The following COPA variants were observed in gnomAD, a reference collection of about 807,000 sequenced individuals.
COPA encodes coatomer subunit alpha.
A neutral mutation model predicts 158.7 loss-of-function variants in COPA; 10 were observed. The ratio of observed to expected loss-of-function variants is 0.06; its 90% CI spans 0.04 to 0.11. The LOEUF is 0.11. Ranked by LOEUF, COPA falls within the 10% of genes least tolerant of loss-of-function variation. The probability of loss-of-function intolerance (pLI) is 1.00; values close to 1 mark genes in which losing one functional copy is unlikely to be tolerated. For synonymous variants in COPA, 462 were observed against 542.8 expected, an observed-to-expected ratio of 0.85 and a Z score of 2.07; for missense variants, 1,065 against 1,536.7, an observed-to-expected ratio of 0.69 and a Z score of 5.13.
At position 160,343,165 on chromosome 1, in the gene COPA, T is replaced by C. The variant is rs945664160; in HGVS notation, c.6A>G (p.Leu2=). 11 of 1,614,034 alleles carry C rather than the reference T, an allele frequency of 6.8e-6. No homozygotes were observed. The highest frequency in any genetic ancestry group is 9.3e-6 in the Non-Finnish European group (11 of 1,180,040). Residue 2 remains leucine (L), a synonymous_variant, in exon 1 of 33, where the codon TTA becomes TTG. Coordinates refer to ENST00000241704, the MANE Select transcript of COPA (RefSeq NM_004371.4). ...GCGCGCTCTTGGTCTCGAATTTGGT[T>C]AACATCTCTCAGGTCTCCGACTCCG... The part of the protein sequence containing the change: M[L]TKFETKSARV...
intron 6 of COPA, among the ~76,000 whole-genome samples, chr1:160,331,600 T>C (rs1293951104): frequency 2.7e-5 from 4 of 150,466 alleles, no homozygotes; most frequent in Non-Finnish European, 5.9e-5. Context: ...CGAGCCGAGA[T>C]TGCGCCACTG....
intron 21 of COPA, 135 bp from the exon 22 acceptor site, chr1:160,296,284 G>A (rs886633994): frequency 1.8e-5 from 12 of 673,714 alleles, no homozygotes; most frequent in Non-Finnish European, 2.9e-5. Flanking sequence ...CACCTCTTAA[G>A]TGTGGGCTGG....
At chr1:160,304,148 G>A (rs906385331) in intron 17 of COPA, among the ~76,000 whole-genome samples, 5 of 151,616 alleles carry the variant, frequency 3.3e-5, no homozygotes, top group African/African-American at 1.2e-4. Context: ...CGGAGTAGCT[G>A]GGATTACAGG....
intron 15 of COPA, 43 bp from the exon 16 acceptor site, chr1:160,305,816 C>T: frequency 6.6e-7 from 1 of 1,522,730 alleles, no homozygotes; most frequent in South Asian, 1.1e-5. Context: ...GATCTATTTC[C>T]CTTGTCTCAG....
chr1:160,340,328 C>T (rs775391568), intron 1 of COPA, 34 bp from the exon 2 acceptor site: 8 of 1,382,918 alleles, frequency 5.8e-6, no homozygotes, highest in Non-Finnish European at 7.2e-6. Flanking sequence ...AATGAGCTAA[C>T]TAAGCCCCAT....
intron 11 of COPA, among the ~76,000 whole-genome samples, chr1:160,311,607 G>A (rs1231605101): frequency 6.6e-6 from 1 of 151,866 alleles, no homozygotes; most frequent in Non-Finnish European, 1.5e-5. Flanking sequence ...AATTAGCCAG[G>A]CGTGGTGGCG....
intron 3 of COPA, among the ~76,000 whole-genome samples, chr1:160,338,040 A>G (rs1647856035): frequency 6.6e-6 from 1 of 152,164 alleles, no homozygotes; most frequent in Non-Finnish European, 1.5e-5. Flanking sequence ...TTCTGTCTCT[A>G]TAGATTTACC....
chr1:160,343,044 C>T, intron 1 of COPA, 87 bp downstream of exon 1: 2 of 1,552,636 alleles, frequency 1.3e-6, no homozygotes, highest in Non-Finnish European at 1.8e-6. Context: ...CCCATTTCGA[C>T]CAACACCTCT....
At chr1:160,293,995 A>G (rs1483574553) in intron 25 of COPA, among the ~76,000 whole-genome samples, 1 of 152,228 alleles carries the variant, frequency 6.6e-6, no homozygotes, top group Non-Finnish European at 1.5e-5. Flanking sequence ...CTACCTTCTC[A>G]TAAGCTGCTG....
At chr1:160,310,312 G>A in intron 11 of COPA, 54 bp from the exon 12 acceptor site, 5 of 1,147,992 alleles carry the variant, frequency 4.4e-6, no homozygotes, top group Admixed American at 4.3e-5. Flanking sequence ...AAGAATAGAA[G>A]GAAGAAAGGA....
chr1:160,340,083 C>G, intron 2 of COPA, 98 bp downstream of exon 2: 1 of 1,499,514 alleles, frequency 6.7e-7, no homozygotes, highest in Non-Finnish European at 9.3e-7. Flanking sequence ...TTTCCACATT[C>G]TTTAATCATA....
At chr1:160,327,274 C>T (rs1008832314) in intron 6 of COPA, among the ~76,000 whole-genome samples, 1 of 152,204 alleles carries the variant, frequency 6.6e-6, no homozygotes, top group Non-Finnish European at 1.5e-5. Flanking sequence ...CAGTGGCTCA[C>T]GCCTGTAATC....
chr1:160,305,172 T>A (rs562509205), intron 17 of COPA: 116 of 302,646 alleles, frequency 3.8e-4, no homozygotes, highest in African/African-American at 2.3e-3. Flanking sequence ...ATTTTTTGAC[T>A]TGGGTGGTAG....
chr1:160,315,044 G>A (rs1413241347), intron 8 of COPA, among the ~76,000 whole-genome samples: 1 of 152,160 alleles, frequency 6.6e-6, no homozygotes, highest in Non-Finnish European at 1.5e-5. Context: ...ATACAGTGCT[G>A]AGATTTTCAT....
chr1:160,295,261 G>A (rs1369860764), intron 23 of COPA, among the ~76,000 whole-genome samples: 1 of 152,170 alleles, frequency 6.6e-6, no homozygotes, highest in Non-Finnish European at 1.5e-5. Flanking sequence ...ATGCTCAAGA[G>A]TCTGTTTAGG....
intron 25 of COPA, among the ~76,000 whole-genome samples, chr1:160,293,807 T>G (rs975825992): frequency 2.0e-5 from 3 of 152,010 alleles, no homozygotes; most frequent in Non-Finnish European, 2.9e-5. Context: ...AATTGAGTAA[T>G]TTTTTAAGCC....
chr1:160,293,073 G>T, intron 27 of COPA, 93 bp downstream of exon 27: 1 of 1,239,122 alleles, frequency 8.1e-7, no homozygotes, highest in South Asian at 1.3e-5. Context: ...TTCCCCTTAT[G>T]GGTAGGATAA....
chr1:160,300,166 C>G (rs1023062451), intron 17 of COPA, among the ~76,000 whole-genome samples: 3 of 151,646 alleles, frequency 2.0e-5, no homozygotes, highest in African/African-American at 7.3e-5. Flanking sequence ...ATGGTGAAAC[C>G]CCGTCTCTAC....
At chr1:160,305,843 A>G (rs1658769526) in intron 15 of COPA, 70 bp from the exon 16 acceptor site, 11 of 1,237,592 alleles carry the variant, frequency 8.9e-6, no homozygotes, top group African/African-American at 1.5e-5. Context: ...ATCTACATCA[A>G]TTGCACCCTC....
Sources: allele counts gnomAD v4.1 joint callset (sites outside exome capture counted in the v4.1 genomes callset), GRCh38; gene constraint gnomAD v4.1.1; transcripts MANE v1.5; gene names NCBI Gene and HGNC (gene_info 2026-07-23, HGNC 2026-07-21).